The following CDH12 variants were observed in gnomAD, a reference collection of about 807,000 sequenced individuals.
The protein encoded by CDH12 is cadherin 12, also known as cadherin-12.
A neutral mutation model predicts 74.1 loss-of-function variants in CDH12; 41 were observed. That is an observed-to-expected ratio of 0.55 (90% CI 0.43 to 0.72). The LOEUF is 0.72. Ranked by LOEUF, CDH12 falls within the 30% of genes least tolerant of loss-of-function variation. The probability of loss-of-function intolerance (pLI) is 0.00; values close to 1 mark genes in which losing one functional copy is unlikely to be tolerated. For missense variants in CDH12, 945 were observed against 977.2 expected (o/e 0.97, Z 0.44); for synonymous variants, 399 against 355.0 (o/e 1.12, Z -1.39).
At chr5:22,624,058 A>T (rs2126845297) in intron 1 of CDH12, among the ~76,000 whole-genome samples, 1 of 152,346 alleles carries the variant, frequency 6.6e-6, no homozygotes, top group East Asian at 1.9e-4. Flanking sequence ...AAACCAAGAA[A>T]TGGGGAAAGG....
intron 1 of CDH12, among the ~76,000 whole-genome samples, chr5:22,674,867 G>A (rs531500200): frequency 3.3e-5 from 5 of 152,244 alleles, no homozygotes; most frequent in African/African-American, 1.2e-4. Context: ...TAGGGTATCT[G>A]GCAGAAGAAA....
chr5:22,263,132 A>C (rs1382521126), intron 3 of CDH12, among the ~76,000 whole-genome samples: 1 of 152,142 alleles, frequency 6.6e-6, no homozygotes, highest in Admixed American at 6.6e-5. Context: ...TGCATACACT[A>C]TTTCTATAGA....
chr5:22,002,634 T>C (rs1037162760), intron 5 of CDH12, among the ~76,000 whole-genome samples: 4 of 152,082 alleles, frequency 2.6e-5, no homozygotes, highest in Non-Finnish European at 4.4e-5. Flanking sequence ...TTTTATAAAA[T>C]TGCAAGTATG....
At chr5:22,470,579 T>C (rs1745917037) in intron 2 of CDH12, among the ~76,000 whole-genome samples, 1 of 151,810 alleles carries the variant, frequency 6.6e-6, no homozygotes, top group African/African-American at 2.4e-5. Flanking sequence ...CCACCCTGCC[T>C]GGTTAAGTTT....
chr5:22,591,969 C>T (rs949944038), intron 1 of CDH12, among the ~76,000 whole-genome samples: 7 of 101,966 alleles, frequency 6.9e-5, no homozygotes, highest in Admixed American at 6.1e-4. Flanking sequence ...TTGTGACCAC[C>T]ATGTGAACCC....
chr5:21,945,681 AG>A (rs1257958040), intron 6 of CDH12, among the ~76,000 whole-genome samples: 2 of 151,854 alleles, frequency 1.3e-5, no homozygotes, highest in African/African-American at 4.8e-5. Flanking sequence ...AGCACAGAGC[AG>A]AAGATGGAAT....
chr5:22,823,245 A>AG (rs1275323217), intron 1 of CDH12, among the ~76,000 whole-genome samples: 1 of 45,590 alleles, frequency 2.2e-5, no homozygotes, highest in Non-Finnish European at 4.2e-5. Flanking sequence ...AGGTGGGGGG[A>AG]GGGGGGAGGG....
chr5:21,907,083 T>C (rs1753674797), intron 6 of CDH12, among the ~76,000 whole-genome samples: 2 of 152,208 alleles, frequency 1.3e-5, no homozygotes, highest in Non-Finnish European at 2.9e-5. Flanking sequence ...TACAAGCTAC[T>C]GCAATACTGT....
intron 3 of CDH12, among the ~76,000 whole-genome samples, chr5:22,327,470 G>A (rs1739171346): frequency 6.9e-6 from 1 of 145,046 alleles, no homozygotes; most frequent in Non-Finnish European, 1.5e-5. Flanking sequence ...GTGTGTGTGT[G>A]CATCTGTGTG....
chr5:21,797,592 G>A (rs747615379), intron 10 of CDH12, among the ~76,000 whole-genome samples: 6 of 151,702 alleles, frequency 4.0e-5, no homozygotes, highest in Admixed American at 2.0e-4. Flanking sequence ...GGCCGACTGC[G>A]ACTCATTAGA....
intron 1 of CDH12, among the ~76,000 whole-genome samples, chr5:22,751,422 C>T (rs2127034956): frequency 6.6e-6 from 1 of 150,618 alleles, no homozygotes; most frequent in East Asian, 1.9e-4. Flanking sequence ...ATCTTTTGGT[C>T]ATGTGAACAT....
At chr5:22,398,690 C>A (rs1398987044) in intron 3 of CDH12, among the ~76,000 whole-genome samples, 1 of 152,176 alleles carries the variant, frequency 6.6e-6, no homozygotes, top group African/African-American at 2.4e-5. Context: ...CCAGAGACAT[C>A]TGTTCCTTCT....
intron 4 of CDH12, among the ~76,000 whole-genome samples, chr5:22,082,495 GT>G (rs1325557163): frequency 6.6e-6 from 1 of 152,190 alleles, no homozygotes; most frequent in Non-Finnish European, 1.5e-5. Context: ...CACATCCCAG[GT>G]GGGACAGAAG....
intron 2 of CDH12, among the ~76,000 whole-genome samples, chr5:22,465,618 C>T (rs912061849): frequency 1.3e-5 from 2 of 152,222 alleles, no homozygotes; most frequent in African/African-American, 2.4e-5. Flanking sequence ...CACACTCTAG[C>T]TTGGGCAACA....
At chr5:22,612,659 T>C (rs1311512209) in intron 1 of CDH12, among the ~76,000 whole-genome samples, 1 of 152,112 alleles carries the variant, frequency 6.6e-6, no homozygotes, top group African/African-American at 2.4e-5. Context: ...CATCATTTGG[T>C]ATTTAAATTG....
chr5:22,574,920 G>C (rs1258110099), intron 1 of CDH12, among the ~76,000 whole-genome samples: 1 of 152,152 alleles, frequency 6.6e-6, no homozygotes, highest in East Asian at 1.9e-4. Flanking sequence ...ATATGTGAAA[G>C]TGTGTTTGCA....
intron 1 of CDH12, among the ~76,000 whole-genome samples, chr5:22,535,603 A>T (rs1410660253): frequency 6.6e-6 from 1 of 152,222 alleles, no homozygotes; most frequent in Non-Finnish European, 1.5e-5. Flanking sequence ...AAAGAATTTG[A>T]TTTAAAAAGC....
intron 4 of CDH12, among the ~76,000 whole-genome samples, chr5:22,171,930 A>G (rs1749053790): frequency 6.6e-6 from 1 of 151,954 alleles, no homozygotes; most frequent in South Asian, 2.1e-4. Context: ...GAATTGAGAT[A>G]TAAAGAAGGC....
chr5:22,776,079 T>A (rs2218291), intron 1 of CDH12, among the ~76,000 whole-genome samples: 1 of 152,026 alleles, frequency 6.6e-6, no homozygotes, highest in African/African-American at 2.4e-5. Flanking sequence ...TCTTTTGCTT[T>A]CCAGTCTCAG....
Sources: gnomAD v4.1 joint callset for allele counts (sites outside exome capture counted in the v4.1 genomes callset) on GRCh38, gnomAD v4.1.1 for gene constraint, MANE v1.5 for transcripts, NCBI Gene and HGNC (gene_info 2026-07-23, HGNC 2026-07-21) for gene names.